GLRA3: variants seen among roughly 807,000 people sequenced by gnomAD.
The protein encoded by GLRA3 is glycine receptor subunit alpha-3.
GLRA3 carries 44 observed loss-of-function variants against 60.4 expected under a neutral mutation model. The ratio of observed to expected loss-of-function variants is 0.73; its 90% CI spans 0.57 to 0.94. The LOEUF is 0.94. GLRA3 is among the 40% of genes least tolerant of loss of function. GLRA3 has a pLI of 0.00. For missense variants in GLRA3, 508 were observed against 564.6 expected (o/e 0.90, Z 1.02); for synonymous variants, 223 against 192.9 (o/e 1.16, Z -1.29).
At chr4:174,657,338 C>T (rs925306640) in intron 8 of GLRA3, among the ~76,000 whole-genome samples, 2 of 152,100 alleles carry the variant, frequency 1.3e-5, no homozygotes, top group African/African-American at 4.8e-5. Flanking sequence ...ACAGTTTACC[C>T]ATTTGGACAC....
chr4:174,699,248 C>T (rs547576645), intron 5 of GLRA3, among the ~76,000 whole-genome samples: 38 of 152,254 alleles, frequency 2.5e-4, no homozygotes, highest in African/African-American at 8.7e-4. Context: ...GTCATCAACC[C>T]GTCTCAGCCT....
chr4:174,717,280 G>A (rs1735962170), intron 4 of GLRA3, among the ~76,000 whole-genome samples: 1 of 142,566 alleles, frequency 7.0e-6, no homozygotes, highest in Non-Finnish European at 1.5e-5. Context: ...GAGAGAGAGA[G>A]AAAGAGAGAG....
At chr4:174,701,161 T>C (rs967805957) in intron 5 of GLRA3, among the ~76,000 whole-genome samples, 4 of 152,176 alleles carry the variant, frequency 2.6e-5, no homozygotes, top group African/African-American at 9.7e-5. Context: ...AAGAACAGGC[T>C]GACTCTCTTC....
At chr4:174,651,220 T>A (rs767011539) in intron 9 of GLRA3, among the ~76,000 whole-genome samples, 4 of 152,184 alleles carry the variant, frequency 2.6e-5, no homozygotes, top group Admixed American at 6.5e-5. Context: ...GAGTACCTCA[T>A]ATCCCATCTG....
intron 1 of GLRA3, among the ~76,000 whole-genome samples, chr4:174,821,717 T>C (rs943817920): frequency 1.3e-5 from 2 of 152,128 alleles, no homozygotes; most frequent in African/African-American, 4.8e-5. Flanking sequence ...CATTACACAA[T>C]ACAAATTCGG....
At chr4:174,812,510 C>G (rs1031498023) in intron 1 of GLRA3, among the ~76,000 whole-genome samples, 3 of 151,954 alleles carry the variant, frequency 2.0e-5, no homozygotes, top group African/African-American at 7.3e-5. Flanking sequence ...AGCCCTACCT[C>G]TGCCTGGAGA....
intron 1 of GLRA3, among the ~76,000 whole-genome samples, chr4:174,821,114 A>G (rs1457455855): frequency 2.0e-5 from 3 of 152,218 alleles, no homozygotes; most frequent in Non-Finnish European, 4.4e-5. Context: ...TCAACAGTGT[A>G]TAGAAAAACA....
chr4:174,676,983 C>G, intron 7 of GLRA3, 95 bp downstream of exon 7: 1 of 699,692 alleles, frequency 1.4e-6, no homozygotes, highest in East Asian at 2.7e-5. Flanking sequence ...CATTGAAATG[C>G]CATTGAAAAA....
At chr4:174,701,526 A>G (rs2111049434) in intron 5 of GLRA3, among the ~76,000 whole-genome samples, 1 of 152,304 alleles carries the variant, frequency 6.6e-6, no homozygotes, top group African/African-American at 2.4e-5. Context: ...TTTGACTTTT[A>G]GTCTTATAAC....
intron 2 of GLRA3, among the ~76,000 whole-genome samples, chr4:174,786,141 T>C (rs9992190): frequency 0.25 from 38,628 of 151,864 alleles, 5,119 homozygotes; most frequent in Non-Finnish European, 0.3. Context: ...TCTCTAAACT[T>C]GCTTACTATT....
Position 174,638,315 on chromosome 4 carries a change from C to CA in GLRA3, c.*5470dup, listed in dbSNP as rs1252804775. 2.0e-5 allele frequency: 3 copies of CA among 152,116 alleles called. No individual in the cohort carries two copies. The highest frequency in any genetic ancestry group is 7.2e-5 in the African/African-American group (3 of 41,428). 9.4% of individuals were successfully genotyped at this position (152,116 alleles called of 1,614,324 possible). ...TTTGTCTGTCTGTTTGTTTGTGAGA[C>CA]AGAGTCTCACTCTGTCACCCAGTTT... is the stretch of plus-strand genomic sequence containing the variant. On this transcript the variant is annotated 3_prime_UTR_variant, in exon 10 of 10. Coordinates refer to ENST00000274093, the MANE Select transcript of GLRA3 (RefSeq NM_006529.4).
chr4:174,764,250 C>T (rs1339633392), intron 3 of GLRA3, among the ~76,000 whole-genome samples: 1 of 143,724 alleles, frequency 7.0e-6, no homozygotes, highest in Non-Finnish European at 1.5e-5. Flanking sequence ...TAAAGAATAA[C>T]CTCAAATGGG....
intron 1 of GLRA3, among the ~76,000 whole-genome samples, chr4:174,802,551 T>G (rs1357273487): frequency 1.3e-5 from 2 of 152,062 alleles, no homozygotes; most frequent in Non-Finnish European, 2.9e-5. Context: ...ACCTCCAATT[T>G]TAGTCAACTG....
intron 1 of GLRA3, among the ~76,000 whole-genome samples, chr4:174,825,102 T>A (rs2111407714): frequency 6.6e-6 from 1 of 152,224 alleles, no homozygotes; most frequent in Middle Eastern, 3.4e-3. Context: ...ATGATTCTTC[T>A]ATACCTGGGA....
rs1740769624 is a variant in GLRA3, at chr4:174,822,260, G to A, written c.71+6481C>T. Among the ~76,000 whole-genome samples the A allele has an allele frequency of 3.3e-5, 5 of 152,184 alleles. No individual in the cohort carries two copies. The South Asian group carries it at 1.0e-3, about 32-fold the overall frequency. ...TAGAGATATTCAGGTAGAATGCCAT[G>A]GGCTCTCTGAAACTAGAGAATCCAA... On this transcript the variant is annotated intron_variant, in intron 1 of 9. Transcript: ENST00000274093.
intron 5 of GLRA3, among the ~76,000 whole-genome samples, chr4:174,694,937 C>T (rs1177455855): frequency 6.6e-6 from 1 of 152,048 alleles, no homozygotes; most frequent in East Asian, 1.9e-4. Flanking sequence ...TCAGAGACTA[C>T]CATGAACACC....
chr4:174,806,101 T>C (rs1184667947), intron 1 of GLRA3, among the ~76,000 whole-genome samples: 1 of 152,170 alleles, frequency 6.6e-6, no homozygotes, highest in Non-Finnish European at 1.5e-5. Flanking sequence ...TTCTTGTTCC[T>C]TGTAAACATT....
chr4:174,716,892 A>C (rs1254494721), intron 4 of GLRA3, among the ~76,000 whole-genome samples: 1 of 152,064 alleles, frequency 6.6e-6, no homozygotes, highest in Non-Finnish European at 1.5e-5. Flanking sequence ...AAGATGACTA[A>C]ATTAAATTAC....
At chr4:174,679,959 A>C (rs560754865) in intron 6 of GLRA3, among the ~76,000 whole-genome samples, 80 of 152,328 alleles carry the variant, frequency 5.3e-4, no homozygotes, top group African/African-American at 1.9e-3. Flanking sequence ...TACAGTTAAC[A>C]ATACTTTATC....
Sources: gnomAD v4.1 joint callset for allele counts (sites outside exome capture counted in the v4.1 genomes callset) on GRCh38, gnomAD v4.1.1 for gene constraint, MANE v1.5 for transcripts, NCBI Gene and HGNC (gene_info 2026-07-23, HGNC 2026-07-21) for gene names.